Variants in SMPDL3B observed in about 807,000 individuals in gnomAD.
SMPDL3B encodes acid sphingomyelinase-like phosphodiesterase 3b.
SMPDL3B carries 31 observed loss-of-function variants against 37.9 expected under a neutral mutation model. That is an observed-to-expected ratio of 0.82 (90% CI 0.61 to 1.10). The LOEUF is 1.10. SMPDL3B is among the 50% of genes least tolerant of loss of function. The pLI is 0.00. For missense variants in SMPDL3B, 525 were observed against 597.8 expected, an observed-to-expected ratio of 0.88 and a Z score of 1.27; for synonymous variants, 235 against 242.6, an observed-to-expected ratio of 0.97 and a Z score of 0.29.
intron 1 of SMPDL3B, among the ~76,000 whole-genome samples, chr1:27,935,623 A>G (rs576323173): frequency 2.0e-5 from 3 of 152,376 alleles, no homozygotes; most frequent in Admixed American, 6.5e-5. Context: ...CCCCGTCTCA[A>G]TGAAGAATTC....
Position 27,943,107 on chromosome 1 carries a change from G to T in SMPDL3B, c.62-2125G>T, listed in dbSNP as rs368510378. Among the ~76,000 whole-genome samples the T allele has an allele frequency of 4.2e-4, 64 of 152,318 alleles. 2 individuals are homozygous for T. The South Asian group carries it at 0.013, about 32-fold the overall frequency. On this transcript the variant is annotated intron_variant, in intron 1 of 7. Transcript: ENST00000373894. ...ACCCATCTAAAATAGAAAGGCACTG[G>T]TTTTTAACCCCTTTCACAATCACAT...
At chr1:27,939,476 A>G (rs72656503) in intron 1 of SMPDL3B, among the ~76,000 whole-genome samples, 32,500 of 152,030 alleles carry the variant, frequency 0.21, 3,836 homozygotes, top group Non-Finnish European at 0.27. Flanking sequence ...TCAGCCTCCC[A>G]AGTACGGAGA....
At chr1:27,955,508 G>A (rs576441849) in intron 5 of SMPDL3B, among the ~76,000 whole-genome samples, 176 bp from the exon 6 acceptor site, 3 of 152,300 alleles carry the variant, frequency 2.0e-5, no homozygotes, top group Non-Finnish European at 2.9e-5. Context: ...GGTATGTGGT[G>A]CATTCATTGC....
intron 1 of SMPDL3B, among the ~76,000 whole-genome samples, chr1:27,936,894 ACCTGT>A (rs1200854191): frequency 1.3e-5 from 2 of 151,972 alleles, no homozygotes; most frequent in Admixed American, 1.3e-4. Flanking sequence ...GGTGATGAGC[ACCTGT>A]CGTCCCAGCT....
At chr1:27,946,770 G>A (rs1273402556) in intron 2 of SMPDL3B, among the ~76,000 whole-genome samples, 1 of 152,212 alleles carries the variant, frequency 6.6e-6, no homozygotes, top group African/African-American at 2.4e-5. Context: ...GCTGTGATGT[G>A]GTTTGTGGGT....
Position 27,955,797 on chromosome 1 carries a change from C to T in SMPDL3B, c.804C>T (p.Arg268=), listed in dbSNP as rs985292248. 9 of 1,614,016 alleles carry T rather than the reference C, an allele frequency of 5.6e-6. No individual in the cohort carries two copies. The highest frequency in any genetic ancestry group is 2.2e-5 in the East Asian group (1 of 44,870). The change falls in exon 6 of 8, where the codon CGC becomes CGT. Residue 268 remains arginine, a synonymous_variant. Coordinates refer to ENST00000373894, the MANE Select transcript of SMPDL3B (RefSeq NM_014474.4). ...KYLKVVRKHH[R]VIAGQFFGHH... ...TGAAGGTGGTCCGGAAGCATCATCG[C>T]GTCATAGCAGGGCAGTTCTTCGGGC...
At position 27,945,450 on chromosome 1, in the gene SMPDL3B, G is replaced by A. The variant is rs762531990; in HGVS notation, c.275+5G>A. 3.4e-5 allele frequency: 55 copies of A among 1,612,690 alleles called. No individual in the cohort carries two copies. Among genetic ancestry groups the A allele is most frequent in the Non-Finnish European group, 4.6e-5 (54 of 1,178,856 alleles). ...AGACTTCATTCTCTGGACTGGGTGA[G>A]TACAGTTGAGGTGGCAGCTACCCTT... On this transcript the variant is annotated splice_donor_5th_base_variant and intron_variant, in intron 2 of 7. Coordinates refer to ENST00000373894, the MANE Select transcript of SMPDL3B (RefSeq NM_014474.4). This position sits in a 1 kb window ranked among gnomAD's most constrained non-coding sequence, Gnocchi z 4.0.
intron 2 of SMPDL3B, among the ~76,000 whole-genome samples, chr1:27,947,263 C>T (rs1371474877): frequency 2.6e-5 from 4 of 151,868 alleles, no homozygotes; most frequent in Non-Finnish European, 5.9e-5. Flanking sequence ...CTCAAACTCC[C>T]GACCTCAGGT....
At position 27,958,854 on chromosome 1, in the gene SMPDL3B, T is replaced by C. The variant is rs1001531251; in HGVS notation, c.*16T>C. ...CGTGCTGTGACCTGCCAGGCTCACC[T>C]TCTTCCTGGTAACGGGTAACGGGGG... On this transcript the variant is annotated 3_prime_UTR_variant, in exon 8 of 8. Transcript: ENST00000373894. This position sits in a 1 kb window ranked among gnomAD's most constrained non-coding sequence, Gnocchi z 5.6. 4.5e-6 allele frequency: 7 copies of C among 1,558,010 alleles called. No homozygotes were observed. The highest frequency in any genetic ancestry group is 6.1e-6 in the Non-Finnish European group (7 of 1,147,930).
In SMPDL3B at chr1:27,945,580, A is replaced by C; in HGVS notation, c.275+135A>C. 1 of 747,184 alleles carries C rather than the reference A, an allele frequency of 1.3e-6. No homozygotes were observed. The highest frequency in any genetic ancestry group is 2.3e-6 in the Non-Finnish European group (1 of 443,768). The allele number at this position is 747,184 out of a possible 1,614,324, so 46.3% of individuals were successfully genotyped here. On this transcript the variant is annotated intron_variant, in intron 2 of 7. Transcript: ENST00000373894. The surrounding 1 kb of genome is among the most constrained non-coding windows in gnomAD (Gnocchi z 4.0). Reference sequence around the variant, plus strand: ...CGTGAGGCTGAGGAACCTAAAGCTCAAAGGAATTTTGTAACTTGCCCGGGG... The same window carrying C: ...CGTGAGGCTGAGGAACCTAAAGCTCCAAGGAATTTTGTAACTTGCCCGGGG...
intron 3 of SMPDL3B, among the ~76,000 whole-genome samples, chr1:27,952,322 G>A (rs1295433860): frequency 6.6e-6 from 1 of 152,192 alleles, no homozygotes; most frequent in Non-Finnish European, 1.5e-5. Context: ...ACAGGGCAAA[G>A]GGTGTGTTAG....
chr1:27,951,820 G>T (rs72875023), intron 3 of SMPDL3B, among the ~76,000 whole-genome samples: 2,918 of 152,322 alleles, frequency 0.019, 108 homozygotes, highest in African/African-American at 0.064. Flanking sequence ...CTGCACTGCA[G>T]CCTGGGAGGC....
At position 27,956,363 on chromosome 1, in the gene SMPDL3B, C is replaced by T. The variant is rs532813272; in HGVS notation, c.1005+281C>T. ...GCCCTGCTATGGCCCATCCGCTACA[C>T]AAGAGAGAAGAAACTAATCTCCTAT... On this transcript the variant is annotated intron_variant, in intron 7 of 7. Coordinates refer to ENST00000373894, the MANE Select transcript of SMPDL3B (RefSeq NM_014474.4). 119 of 1,329,932 alleles carry T rather than the reference C, an allele frequency of 8.9e-5. 1 individual carries two copies. In the African/African-American group the frequency reaches 1.6e-3, roughly 18 times the overall value. 82.4% of individuals were successfully genotyped at this position (1,329,932 alleles called of 1,614,324 possible).
At chr1:27,948,022 G>A (rs2090425354) in intron 2 of SMPDL3B, among the ~76,000 whole-genome samples, 1 of 152,170 alleles carries the variant, frequency 6.6e-6, no homozygotes, top group Admixed American at 6.5e-5. Context: ...GCCCTAATGT[G>A]GGTATCAGAG....
rs373546591 is a variant in SMPDL3B, at chr1:27,935,125, T to C, written c.-59T>C. ...CACAGAAAACTACTTAGGAAGCCTG[T>C]GGTGAGAACAACAACAGTGCCTGAG... On this transcript the variant is annotated 5_prime_UTR_variant, in exon 1 of 8. Coordinates refer to ENST00000373894, the MANE Select transcript of SMPDL3B (RefSeq NM_014474.4). The C allele has an allele frequency of 2.5e-5, 34 of 1,350,396 alleles. No individual in the cohort carries two copies. The highest frequency in any genetic ancestry group is 3.5e-5 in the Non-Finnish European group (33 of 945,212). 83.7% of individuals were successfully genotyped at this position (1,350,396 alleles called of 1,614,324 possible). A position where few individuals can be genotyped will look rare whatever the true frequency, so the allele number is the denominator to read the frequency against.
chr1:27,955,240 C>T (rs1014524817), intron 5 of SMPDL3B, among the ~76,000 whole-genome samples: 2 of 152,200 alleles, frequency 1.3e-5, no homozygotes, highest in African/African-American at 4.8e-5. Context: ...TGTTCTAACT[C>T]CTGCCATGGT....
At position 27,945,194 on chromosome 1, in the gene SMPDL3B, G is replaced by C. The variant is rs779424305; in HGVS notation, c.62-38G>C. On this transcript the variant is annotated intron_variant, in intron 1 of 7. Transcript: ENST00000373894. This position sits in a 1 kb window ranked among gnomAD's most constrained non-coding sequence, Gnocchi z 4.0. ...ACTTCCTTGCTTCCAGGCTGAGAGA[G>C]AGACCAGCTTTGAAGGAGGATGTTT... is the stretch of plus-strand genomic sequence containing the variant. The C allele has an allele frequency of 8.7e-6, 14 of 1,602,644 alleles. No homozygotes were observed. Among genetic ancestry groups the C allele is most frequent in the Non-Finnish European group, 1.1e-5 (13 of 1,170,240 alleles).
rs764686418 is a variant in SMPDL3B at position 27,945,187 on chromosome 1, T to TGA, written c.62-36_62-35dup. 3 of 1,593,794 alleles carry TGA rather than the reference T, an allele frequency of 1.9e-6. No individual in the cohort carries two copies. In the South Asian group the frequency reaches 3.3e-5, roughly 18 times the overall value. On this transcript the variant is annotated intron_variant, in intron 1 of 7. Transcript: ENST00000373894. This position sits in a 1 kb window ranked among gnomAD's most constrained non-coding sequence, Gnocchi z 4.0. ...CCCCTGGACTTCCTTGCTTCCAGGCTGAGAGAGAGACCAGCTTTGAAGGAG... is the reference window on the plus strand; with the variant it reads ...CCCCTGGACTTCCTTGCTTCCAGGCTGAGAGAGAGAGACCAGCTTTGAAGGAG...
At chr1:27,948,202 T>C (rs1268306994) in intron 2 of SMPDL3B, among the ~76,000 whole-genome samples, 1 of 152,184 alleles carries the variant, frequency 6.6e-6, no homozygotes, top group Non-Finnish European at 1.5e-5. Flanking sequence ...GTGTCTTGGT[T>C]TCTTTATCTG....
Sources: allele counts gnomAD v4.1 joint callset (sites outside exome capture counted in the v4.1 genomes callset), GRCh38; gene constraint gnomAD v4.1.1; non-coding constraint Gnocchi (gnomAD v3.1); transcripts MANE v1.5; gene names NCBI Gene and HGNC (gene_info 2026-07-23, HGNC 2026-07-21).